Variants in ADAM32 observed in about 807,000 individuals in gnomAD.
The protein encoded by ADAM32 is ADAM metallopeptidase domain 32, also known as disintegrin and metalloproteinase domain-containing protein 32.
In ADAM32, 89 loss-of-function variants were observed where a neutral mutation model predicts 114.9. That is an observed-to-expected ratio of 0.77 (90% CI 0.65 to 0.92). The LOEUF is 0.92. ADAM32 is among the 40% of genes least tolerant of loss of function. The pLI, the probability that ADAM32 is intolerant of heterozygous loss-of-function variation, is 0.00. For synonymous variants in ADAM32, 285 were observed against 307.5 expected (o/e 0.93, Z 0.77); for missense variants, 870 against 932.8 (o/e 0.93, Z 0.88).
intron 15 of ADAM32, among the ~76,000 whole-genome samples, chr8:39,232,379 A>T (rs1197144762): frequency 6.6e-6 from 1 of 152,292 alleles, no homozygotes; most frequent in Admixed American, 6.5e-5. Flanking sequence ...GTTGAAATTC[A>T]TAATACCCAC....
chr8:39,188,296 C>T (rs1377036366), intron 11 of ADAM32, among the ~76,000 whole-genome samples: 3 of 152,026 alleles, frequency 2.0e-5, no homozygotes, highest in Non-Finnish European at 4.4e-5. Context: ...CACATAATCA[C>T]ACATATCCAT....
At chr8:39,175,606 G>A (rs1385987896) in intron 10 of ADAM32, among the ~76,000 whole-genome samples, 2 of 152,238 alleles carry the variant, frequency 1.3e-5, no homozygotes, top group East Asian at 1.9e-4. Context: ...TTTTTGCATC[G>A]ATGTTCATCA....
chr8:39,212,819 A>G (rs1182013468), intron 12 of ADAM32, among the ~76,000 whole-genome samples: 1 of 152,182 alleles, frequency 6.6e-6, no homozygotes, highest in Non-Finnish European at 1.5e-5. Context: ...AGAAATTGCC[A>G]AAATATTTTC....
At chr8:39,229,538 A>C (rs1407358744) in intron 14 of ADAM32, among the ~76,000 whole-genome samples, 1 of 152,216 alleles carries the variant, frequency 6.6e-6, no homozygotes, top group Admixed American at 6.5e-5. Context: ...AAAAGTGAGC[A>C]GGGGTAGCTA....
chr8:39,120,958 G>A (rs1002246537), intron 2 of ADAM32, among the ~76,000 whole-genome samples: 2 of 152,072 alleles, frequency 1.3e-5, no homozygotes, highest in Non-Finnish European at 2.9e-5. Flanking sequence ...TAAGCAAAAT[G>A]CTGAAGATGT....
Position 39,147,136 on chromosome 8 carries a change from T to C in ADAM32, c.207T>C (p.Phe69=). The C allele has an allele frequency of 1.0e-6, 1 of 982,982 alleles. No individual in the cohort carries two copies. The allele number at this position is 982,982 out of a possible 1,614,324, so 60.9% of individuals were successfully genotyped here. The change falls in exon 4 of 25, where the codon TTT becomes TTC. Residue 69 remains phenylalanine, a synonymous_variant. Coordinates refer to ENST00000379907, the MANE Select transcript of ADAM32 (RefSeq NM_145004.7). The part of the protein sequence containing the change: ...LYTVHLKQRY[F]LADNFMIYLY... ...CCTCTTTTTTTATATTCAGATATTT[T>C]TTAGCAGATAATTTTATGATCTATT...
At chr8:39,162,616 T>G (rs1176963964) in intron 7 of ADAM32, among the ~76,000 whole-genome samples, 1 of 152,034 alleles carries the variant, frequency 6.6e-6, no homozygotes, top group Non-Finnish European at 1.5e-5. Context: ...GAAGACAGTG[T>G]GATGATTCCA....
chr8:39,162,727 G>T (rs1804592303), intron 7 of ADAM32, among the ~76,000 whole-genome samples: 1 of 152,062 alleles, frequency 6.6e-6, no homozygotes. Context: ...CCCTTGGTCG[G>T]GTGTGGTGCA....
chr8:39,258,099 T>C (rs1241475828), intron 19 of ADAM32, among the ~76,000 whole-genome samples: 1 of 152,040 alleles, frequency 6.6e-6, no homozygotes, highest in African/African-American at 2.4e-5. Flanking sequence ...TGCAGATGCA[T>C]TTCTTTTTCA....
At chr8:39,166,799 T>G (rs1804867149) in intron 9 of ADAM32, 1 of 152,126 alleles carries the variant, frequency 6.6e-6, no homozygotes, top group Non-Finnish European at 1.5e-5. Flanking sequence ...GTGTTGAGCA[T>G]TTTTTTCATA....
chr8:39,124,606 C>T (rs186416652), intron 2 of ADAM32, among the ~76,000 whole-genome samples: 14 of 152,002 alleles, frequency 9.2e-5, no homozygotes, highest in African/African-American at 1.9e-4. Flanking sequence ...TTAGTAAAGA[C>T]GGGGTTTCAC....
chr8:39,212,937 T>C (rs1416101991), intron 12 of ADAM32, among the ~76,000 whole-genome samples: 2 of 152,190 alleles, frequency 1.3e-5, no homozygotes, highest in Non-Finnish European at 2.9e-5. Context: ...TTTTAGCTAT[T>C]CCAGTGGTTT....
rs557603310 is a variant in ADAM32 at position 39,107,787 on chromosome 8, C to G, written c.12C>G (p.Leu4=). The G allele has an allele frequency of 2.6e-6, 4 of 1,550,504 alleles. No homozygotes were observed. The South Asian group carries it at 3.6e-5, about 14-fold the overall frequency. Residue 4 remains leucine, a synonymous_variant, in exon 1 of 25, where the codon CTC becomes CTG. Coordinates refer to ENST00000379907, the MANE Select transcript of ADAM32 (RefSeq NM_145004.7). ...CCCGAAGCCGCACCATGTTCCGCCTCTGGTTGCTGCTGGCCGGGCTCTGCG... is the reference window on the plus strand; with the variant it reads ...CCCGAAGCCGCACCATGTTCCGCCTGTGGTTGCTGCTGGCCGGGCTCTGCG... MFR[L]WLLLAGLCGL... is the part of the protein sequence containing the mutation.
chr8:39,223,333 T>A (rs1809115410), intron 14 of ADAM32, 95 bp downstream of exon 14: 1 of 758,982 alleles, frequency 1.3e-6, no homozygotes, highest in South Asian at 4.0e-5. Flanking sequence ...AAATGTGGAA[T>A]GTTTTATATA....
At chr8:39,138,863 G>A (rs1054517617) in intron 3 of ADAM32, among the ~76,000 whole-genome samples, 7 of 152,082 alleles carry the variant, frequency 4.6e-5, no homozygotes, top group South Asian at 2.1e-4. Flanking sequence ...AAAGATTGCT[G>A]TTCTAAGTGG....
At chr8:39,216,015 T>G (rs1369043311) in intron 12 of ADAM32, among the ~76,000 whole-genome samples, 2 of 152,070 alleles carry the variant, frequency 1.3e-5, no homozygotes, top group African/African-American at 4.8e-5. Flanking sequence ...TCTCCAGCTG[T>G]TATTGTATTG....
chr8:39,157,570 T>C, intron 6 of ADAM32: 1 of 529,962 alleles, frequency 1.9e-6, no homozygotes, highest in Non-Finnish European at 3.7e-6. Flanking sequence ...ATCTGGTCTT[T>C]CTTGAGTGGT....
At chr8:39,237,205 C>T (rs944707541) in intron 16 of ADAM32, among the ~76,000 whole-genome samples, 5 of 152,098 alleles carry the variant, frequency 3.3e-5, no homozygotes, top group African/African-American at 1.2e-4. Flanking sequence ...GTAGGCACTC[C>T]CAGTTCTCAG....
intron 2 of ADAM32, among the ~76,000 whole-genome samples, chr8:39,123,781 A>G (rs189293639): frequency 3.7e-4 from 53 of 143,750 alleles, no homozygotes; most frequent in African/African-American, 1.4e-3. Flanking sequence ...ATCTTGGCTC[A>G]CTGCAACCTC....
Sources: gnomAD v4.1 joint callset for allele counts (sites outside exome capture counted in the v4.1 genomes callset) on GRCh38, gnomAD v4.1.1 for gene constraint, MANE v1.5 for transcripts, NCBI Gene and HGNC (gene_info 2026-07-23, HGNC 2026-07-21) for gene names.